DOCK4: variants seen among roughly 807,000 people sequenced by gnomAD.
The protein encoded by DOCK4 is dedicator of cytokinesis 4.
Under a neutral mutation model 268.1 loss-of-function variants are expected in DOCK4, and 97 were observed. The ratio of observed to expected loss-of-function variants is 0.36; its 90% CI spans 0.31 to 0.43. The LOEUF (loss-of-function observed/expected upper bound fraction) is 0.43, where lower values mean the gene tolerates loss of function less well. Ranked by LOEUF, DOCK4 falls within the 20% of genes least tolerant of loss-of-function variation. The pLI, the probability that DOCK4 is intolerant of heterozygous loss-of-function variation, is 1.00. For synonymous variants in DOCK4, 954 were observed against 887.2 expected, an observed-to-expected ratio of 1.08 and a Z score of -1.34; for missense variants, 2,145 against 2,455.7, an observed-to-expected ratio of 0.87 and a Z score of 2.67.
rs939529926 is a variant in DOCK4, at chr7:111,733,917, T to G, written c.5419+1137A>C. 2.6e-5 allele frequency among the ~76,000 whole-genome samples: 4 copies of G among 152,230 alleles called. No individual in the cohort carries two copies. The South Asian group carries it at 8.3e-4, about 32-fold the overall frequency. ...TGACTTGACTTTTGGCTTTGACAAG[T>G]ATAGAGTAAACTAGGTGGCACATAG... On this transcript the variant is annotated intron_variant, in intron 51 of 52. Coordinates refer to ENST00000428084, the MANE Select transcript of DOCK4 (RefSeq NM_001363540.2).
intron 12 of DOCK4, among the ~76,000 whole-genome samples, chr7:111,918,985 A>G (rs1420868136): frequency 6.6e-6 from 1 of 152,216 alleles, no homozygotes; most frequent in Non-Finnish European, 1.5e-5. Context: ...AAAAGGACTC[A>G]AGAGTAATGA....
intron 1 of DOCK4, among the ~76,000 whole-genome samples, chr7:112,085,296 T>A (rs2135734376): frequency 6.6e-6 from 1 of 152,100 alleles, no homozygotes; most frequent in Non-Finnish European, 1.5e-5. Context: ...AGATTTTAAA[T>A]CCATAGCCCA....
chr7:112,098,799 AT>A (rs1233470038), intron 1 of DOCK4, among the ~76,000 whole-genome samples: 2 of 144,402 alleles, frequency 1.4e-5, no homozygotes, highest in African/African-American at 2.5e-5. Flanking sequence ...TCTAAATTAT[AT>A]CTCATGAGCA....
chr7:112,059,728 AAG>A (rs1806218766), intron 1 of DOCK4, among the ~76,000 whole-genome samples: 2 of 152,198 alleles, frequency 1.3e-5, no homozygotes, highest in South Asian at 2.1e-4. Flanking sequence ...GACATGTCAA[AAG>A]AGGGGGGAAA....
chr7:112,031,194 G>A (rs1396597855), intron 1 of DOCK4, among the ~76,000 whole-genome samples: 1 of 152,148 alleles, frequency 6.6e-6, no homozygotes, highest in Non-Finnish European at 1.5e-5. Context: ...GTGGAAAGAG[G>A]GGTTGGTTCA....
intron 1 of DOCK4, among the ~76,000 whole-genome samples, chr7:112,141,424 C>T (rs139170892): frequency 6.6e-6 from 1 of 152,258 alleles, no homozygotes; most frequent in East Asian, 1.9e-4. Flanking sequence ...TTAACACTGA[C>T]AATCAGCTGA....
At chr7:112,174,542 A>G (rs1818341086) in intron 1 of DOCK4, among the ~76,000 whole-genome samples, 2 of 152,150 alleles carry the variant, frequency 1.3e-5, no homozygotes, top group Admixed American at 1.3e-4. Flanking sequence ...ACACATGGAA[A>G]CACACTCCAC....
In DOCK4 at chr7:111,874,571, C is replaced by T. The variant is rs138039159; in HGVS notation, c.1745-2007G>A. On this transcript the variant is annotated intron_variant, in intron 17 of 52. Transcript: ENST00000428084. ...AATACTTCAAGTTCAGGCAAAATTG[C>T]TGTATCCTAGCTTTTTACTTTTGCC... is the stretch of plus-strand genomic sequence containing the variant. Among the ~76,000 whole-genome samples, 9 of 152,308 alleles carry T rather than the reference C, an allele frequency of 5.9e-5. No individual in the cohort carries two copies. The East Asian group carries it at 1.7e-3, about 29-fold the overall frequency.
At chr7:112,036,510 C>T (rs1803779718) in intron 1 of DOCK4, among the ~76,000 whole-genome samples, 1 of 152,054 alleles carries the variant, frequency 6.6e-6, no homozygotes, top group Admixed American at 6.5e-5. Flanking sequence ...TATGTAATAA[C>T]TAAAATGTCT....
At chr7:112,195,513 C>T (rs1032188105) in intron 1 of DOCK4, among the ~76,000 whole-genome samples, 6 of 152,110 alleles carry the variant, frequency 3.9e-5, no homozygotes, top group African/African-American at 1.4e-4. Flanking sequence ...TTACAAGCTC[C>T]TCAACCAACT....
chr7:112,103,821 G>T (rs1329863084), intron 1 of DOCK4, among the ~76,000 whole-genome samples: 2 of 152,188 alleles, frequency 1.3e-5, no homozygotes, highest in Non-Finnish European at 1.5e-5. Context: ...GGCGAAGGTT[G>T]CAGTGAGCTG....
chr7:111,830,769 C>A (rs1007419010), intron 26 of DOCK4, among the ~76,000 whole-genome samples: 1 of 152,000 alleles, frequency 6.6e-6, no homozygotes, highest in African/African-American at 2.4e-5. Flanking sequence ...TCTTGAAACA[C>A]TGCATACAAT....
chr7:111,741,888 C>T (rs1563437990), intron 45 of DOCK4, 125 bp downstream of exon 45: 1 of 1,352,736 alleles, frequency 7.4e-7, no homozygotes. Context: ...TTGAGGGCTC[C>T]CTGGTAAAAC....
chr7:111,728,452 C>G lies in DOCK4; in HGVS notation c.5750G>C (p.Arg1917Pro), dbSNP rs374504389. 1.9e-6 allele frequency: 3 copies of G among 1,604,602 alleles called. No homozygotes were observed. Among genetic ancestry groups the G allele is most frequent in the African/African-American group, 2.7e-5 (2 of 74,860 alleles). ...KTPPPYSVYE[R>P]TLRRPVPLPH... ...TAGCGGGACGGGGCGCCGCAGAGTC[C>G]GCTCGTAGACGCTGTACGGGGGCGG... Residue 1917 changes from arginine (R) to proline (P), a missense_variant, in exon 53 of 53, where the codon CGG becomes CCG. By Grantham distance (103) the Arg-to-Pro change is moderately radical. Transcript: ENST00000428084.
intron 1 of DOCK4, among the ~76,000 whole-genome samples, chr7:112,033,224 GA>G (rs1284030923): frequency 2.0e-5 from 3 of 151,626 alleles, no homozygotes; most frequent in South Asian, 4.2e-4. Context: ...TTCTAGAGTA[GA>G]AAAAAAATGG....
At chr7:112,001,473 T>A (rs1314804299) in intron 2 of DOCK4, among the ~76,000 whole-genome samples, 1 of 152,128 alleles carries the variant, frequency 6.6e-6, no homozygotes, top group Non-Finnish European at 1.5e-5. Flanking sequence ...AGTTTTAAAG[T>A]CCTTGTGTTC....
At chr7:112,014,581 T>C (rs966943833) in intron 1 of DOCK4, among the ~76,000 whole-genome samples, 2 of 148,646 alleles carry the variant, frequency 1.3e-5, no homozygotes, top group Non-Finnish European at 3.0e-5. Flanking sequence ...CTTCTACACC[T>C]CACAGAGTTC....
intron 30 of DOCK4, among the ~76,000 whole-genome samples, chr7:111,794,932 G>C (rs551325715): frequency 6.6e-6 from 1 of 152,210 alleles, no homozygotes; most frequent in African/African-American, 2.4e-5. Context: ...GACAAGGTGA[G>C]CTGGCAAGGA....
intron 1 of DOCK4, among the ~76,000 whole-genome samples, chr7:112,078,719 T>C (rs1051863078): frequency 3.3e-5 from 5 of 152,150 alleles, no homozygotes; most frequent in African/African-American, 1.2e-4. Context: ...CATAGGAACG[T>C]CTGGAGATGA....
Sources: gnomAD v4.1 joint callset for allele counts (sites outside exome capture counted in the v4.1 genomes callset) on GRCh38, gnomAD v4.1.1 for gene constraint, MANE v1.5 for transcripts, NCBI Gene and HGNC (gene_info 2026-07-23, HGNC 2026-07-21) for gene names.